The following PCP4L1 variants were observed in gnomAD, a reference collection of about 807,000 sequenced individuals.
The protein encoded by PCP4L1 is Purkinje cell protein 4-like protein 1.
In PCP4L1, 9 loss-of-function variants were observed where a neutral mutation model predicts 9.6. That is an observed-to-expected ratio of 0.94 (90% CI 0.57 to 1.64). PCP4L1 has a LOEUF of 1.64. PCP4L1 is among the 40% of genes most tolerant of loss of function. The probability of loss-of-function intolerance (pLI) is 0.00; values close to 1 mark genes in which losing one functional copy is unlikely to be tolerated. For missense variants in PCP4L1, 81 were observed against 80.8 expected, an observed-to-expected ratio of 1.00 and a Z score of -0.01; for synonymous variants, 31 against 28.2, an observed-to-expected ratio of 1.10 and a Z score of -0.31.
chr1:161,266,107 A>G (rs1490578757), intron 1 of PCP4L1, among the ~76,000 whole-genome samples: 1 of 151,914 alleles, frequency 6.6e-6, no homozygotes, highest in African/African-American at 2.4e-5. Context: ...AGAAATCTAG[A>G]CCTTGTCACA....
intron 1 of PCP4L1, among the ~76,000 whole-genome samples, chr1:161,277,621 C>T (rs1669720701): frequency 6.6e-6 from 1 of 152,208 alleles, no homozygotes; most frequent in Non-Finnish European, 1.5e-5. Context: ...CTTAAATTCA[C>T]AGCCATTAAC....
chr1:161,281,711 G>A (rs183858305), intron 1 of PCP4L1, among the ~76,000 whole-genome samples: 6,259 of 147,542 alleles, frequency 0.042, 275 homozygotes, highest in Non-Finnish European at 0.059. Context: ...CTTCTCAGAC[G>A]GGGCGGCCGG....
At chr1:161,259,098 C>G in intron 1 of PCP4L1, 115 bp downstream of exon 1, 1 of 1,394,748 alleles carries the variant, frequency 7.2e-7, no homozygotes, top group Non-Finnish European at 9.4e-7. Context: ...GAAGAACCCT[C>G]CAGGGGCGCC....
chr1:161,263,899 CTTTTTTTTTTTTTT>C (rs1160429112), intron 1 of PCP4L1, among the ~76,000 whole-genome samples: 2 of 70,768 alleles, frequency 2.8e-5, no homozygotes, highest in Non-Finnish European at 5.2e-5. Flanking sequence ...ACTTTCTTTC[CTTTTTTTTTTTTTT>C]TTTTTTTTTT....
chr1:161,265,158 GAACA>G (rs1480760803), intron 1 of PCP4L1, among the ~76,000 whole-genome samples: 1 of 152,126 alleles, frequency 6.6e-6, no homozygotes, highest in Non-Finnish European at 1.5e-5. Flanking sequence ...TGCACCTGAT[GAACA>G]AACAGCCTCT....
At chr1:161,283,793 C>T in intron 2 of PCP4L1, 71 bp downstream of exon 2, 4 of 1,437,466 alleles carry the variant, frequency 2.8e-6, no homozygotes, top group Non-Finnish European at 3.8e-6. Context: ...TAGGGTGAGT[C>T]TGGAATTTCC....
chr1:161,280,507 C>T (rs975730212), intron 1 of PCP4L1, among the ~76,000 whole-genome samples: 2 of 152,212 alleles, frequency 1.3e-5, no homozygotes, highest in Non-Finnish European at 2.9e-5. Context: ...TGCCCCCATT[C>T]CCATTTTTGG....
chr1:161,281,564 A>AC (rs1215162064), intron 1 of PCP4L1, among the ~76,000 whole-genome samples: 10 of 134,552 alleles, frequency 7.4e-5, no homozygotes, highest in Non-Finnish European at 1.2e-4. Context: ...GCGGGGGCTG[A>AC]TCCCCACCTC....
intron 1 of PCP4L1, among the ~76,000 whole-genome samples, chr1:161,269,093 A>T (rs1204968436): frequency 1.3e-5 from 2 of 152,070 alleles, no homozygotes; most frequent in Admixed American, 6.6e-5. Flanking sequence ...CTCATCCTCT[A>T]TGTAATGGTA....
At chr1:161,268,895 A>C (rs899121646) in intron 1 of PCP4L1, among the ~76,000 whole-genome samples, 16 of 152,268 alleles carry the variant, frequency 1.1e-4, no homozygotes, top group Non-Finnish European at 1.6e-4. Context: ...CAGATGAGCG[A>C]TCTGAGCACA....
chr1:161,271,131 T>C (rs1669618937), intron 1 of PCP4L1, among the ~76,000 whole-genome samples: 1 of 152,264 alleles, frequency 6.6e-6, no homozygotes, highest in Admixed American at 6.5e-5. Context: ...AAATGTATGC[T>C]TAAGAAATTG....
Position 161,284,407 on chromosome 1 carries a change from A to G in PCP4L1, c.133A>G (p.Thr45Ala). 1 of 1,613,974 alleles carries G rather than the reference A, an allele frequency of 6.2e-7. No individual in the cohort carries two copies. The highest frequency in any genetic ancestry group is 8.5e-7 in the Non-Finnish European group (1 of 1,179,880). ...TGACATTGATCTGACAGCACCAGAA[A>G]CAGAGAAGGCTGCCCTTGCTATTCA... ...EIDIDLTAPETEKAALAIQGK... is the reference protein window; with the variant it reads ...EIDIDLTAPEAEKAALAIQGK... The change falls in exon 3 of 3, where the codon ACA (threonine) becomes GCA (alanine). Residue 45 changes from threonine (T) to alanine (A), a missense_variant. Thr to Ala is a moderately conservative substitution (Grantham distance 58). Transcript: ENST00000504449.
intron 1 of PCP4L1, among the ~76,000 whole-genome samples, chr1:161,281,133 T>G (rs899594079): frequency 6.6e-6 from 1 of 152,152 alleles, no homozygotes; most frequent in Non-Finnish European, 1.5e-5. Flanking sequence ...ACACAGCACA[T>G]GTTTCAGAGA....
chr1:161,280,884 C>T (rs1669783026), intron 1 of PCP4L1, among the ~76,000 whole-genome samples: 2 of 151,532 alleles, frequency 1.3e-5, no homozygotes, highest in Non-Finnish European at 2.9e-5. Context: ...GGGTGTTTCT[C>T]GCAGAGGGGG....
chr1:161,265,745 T>C (rs1669519417), intron 1 of PCP4L1, among the ~76,000 whole-genome samples: 1 of 146,442 alleles, frequency 6.8e-6, no homozygotes, highest in East Asian at 2.0e-4. Context: ...TTTTTTTTTT[T>C]TTTTTTTTTT....
Position 161,258,775 on chromosome 1 carries a change from G to A in PCP4L1, c.-200G>A. The A allele has an allele frequency of 1.2e-6, 1 of 813,962 alleles. No homozygotes were observed. The highest frequency in any genetic ancestry group is 1.9e-6 in the Non-Finnish European group (1 of 516,040). 50.4% of individuals were successfully genotyped at this position (813,962 alleles called of 1,614,324 possible). A position where few individuals can be genotyped will look rare whatever the true frequency, so the allele number is the denominator to read the frequency against. On this transcript the variant is annotated 5_prime_UTR_variant, in exon 1 of 3. Transcript: ENST00000504449. ...GCTCTGACAGGACGGGTCGCAGGGG[G>A]TCGCCTGGCCGGAGCTGGGCTCCGA... is the stretch of plus-strand genomic sequence containing the variant.
At chr1:161,266,009 G>A (rs1018151098) in intron 1 of PCP4L1, among the ~76,000 whole-genome samples, 3 of 151,940 alleles carry the variant, frequency 2.0e-5, no homozygotes, top group Non-Finnish European at 2.9e-5. Flanking sequence ...CAAAGTGCTG[G>A]GATTATGGGT....
intron 1 of PCP4L1, among the ~76,000 whole-genome samples, chr1:161,262,152 C>T (rs763869164): frequency 1.2e-4 from 18 of 151,896 alleles, no homozygotes; most frequent in South Asian, 2.1e-4. Context: ...TGCCTTCTAC[C>T]GGCCAGGCGC....
chr1:161,283,757 G>A lies in PCP4L1; in HGVS notation c.64+35G>A, dbSNP rs770419079. On this transcript the variant is annotated intron_variant, in intron 2 of 2. Transcript: ENST00000504449. ...GTTGGGCTAGGCAGTTTGTAGAGCA[G>A]GTGACTGTAGAGACATAAAGACAAG... 1.8e-5 allele frequency: 28 copies of A among 1,577,100 alleles called. No individual in the cohort carries two copies. The East Asian group carries it at 5.0e-4, about 28-fold the overall frequency.
Sources: gnomAD v4.1 joint callset for allele counts (sites outside exome capture counted in the v4.1 genomes callset) on GRCh38, gnomAD v4.1.1 for gene constraint, MANE v1.5 for transcripts, NCBI Gene and HGNC (gene_info 2026-07-23, HGNC 2026-07-21) for gene names.